NKAIN2: variants seen among roughly 807,000 people sequenced by gnomAD.
NKAIN2 encodes the protein sodium/potassium transporting ATPase interacting 2.
A neutral mutation model predicts 32.6 loss-of-function variants in NKAIN2; 14 were observed. The observed-to-expected ratio is 0.43, with a 90% CI of 0.28 to 0.67. The LOEUF is 0.67. Ranked by LOEUF, NKAIN2 falls within the 30% of genes least tolerant of loss-of-function variation. The pLI is 0.17. For missense variants in NKAIN2, 198 were observed against 258.3 expected, an observed-to-expected ratio of 0.77 and a Z score of 1.60; for synonymous variants, 80 against 87.2, an observed-to-expected ratio of 0.92 and a Z score of 0.46.
chr6:123,896,880 A>C (rs186186640), intron 1 of NKAIN2, among the ~76,000 whole-genome samples: 1,933 of 152,236 alleles, frequency 0.013, 23 homozygotes, highest in Middle Eastern at 0.027. Context: ...GAAACACTGA[A>C]ACTCAAAAGA....
rs150255795 is a variant in NKAIN2 at position 124,633,682 on chromosome 6, G to A, written c.274-24504G>A. ...ACTGAACCAAGAGACATTTTAAACT[G>A]TGTATCAAAATGAGATCAGGTTTCA... On this transcript the variant is annotated intron_variant, in intron 3 of 6. Transcript: ENST00000368417. Among the ~76,000 whole-genome samples, 318 of 152,260 alleles carry A rather than the reference G, an allele frequency of 2.1e-3. 2 individuals are homozygous for A. Among genetic ancestry groups the A allele is most frequent in the African/African-American group, 7.3e-3 (302 of 41,568 alleles).
At chr6:124,311,964 A>T (rs1295060903) in intron 2 of NKAIN2, among the ~76,000 whole-genome samples, 2 of 152,164 alleles carry the variant, frequency 1.3e-5, no homozygotes, top group African/African-American at 4.8e-5. Context: ...GGTTAACAGG[A>T]TTGACCACTG....
intron 3 of NKAIN2, among the ~76,000 whole-genome samples, chr6:124,435,914 A>T (rs1775421782): frequency 1.1e-5 from 1 of 93,820 alleles, no homozygotes; most frequent in Non-Finnish European, 2.3e-5. Flanking sequence ...TTCTAAAATA[A>T]AAATACCAGA....
At chr6:124,169,261 T>G (rs1354228387) in intron 1 of NKAIN2, among the ~76,000 whole-genome samples, 1 of 152,182 alleles carries the variant, frequency 6.6e-6, no homozygotes, top group African/African-American at 2.4e-5. Flanking sequence ...TTATTTCTCT[T>G]AGATCTAAAT....
chr6:124,643,500 A>G (rs1784063857), intron 3 of NKAIN2, among the ~76,000 whole-genome samples: 1 of 152,144 alleles, frequency 6.6e-6, no homozygotes. Context: ...TACTTATCAA[A>G]TACTTTCTTA....
intron 4 of NKAIN2, among the ~76,000 whole-genome samples, chr6:124,771,909 A>G (rs1778777487): frequency 6.6e-6 from 1 of 152,176 alleles, no homozygotes; most frequent in Non-Finnish European, 1.5e-5. Flanking sequence ...TATATGTTAG[A>G]GGAGTTGCTA....
At chr6:123,956,446 C>T (rs1216607415) in intron 1 of NKAIN2, among the ~76,000 whole-genome samples, 6 of 152,144 alleles carry the variant, frequency 3.9e-5, no homozygotes, top group Non-Finnish European at 7.3e-5. Flanking sequence ...ACTCTCTCTA[C>T]GTGTGCACAC....
chr6:124,518,038 G>A (rs1301911861), intron 3 of NKAIN2, among the ~76,000 whole-genome samples: 1 of 151,928 alleles, frequency 6.6e-6, no homozygotes, highest in East Asian at 1.9e-4. Context: ...GGATTTCAAT[G>A]AATGTGATTT....
At chr6:123,913,294 C>G (rs1305632476) in intron 1 of NKAIN2, among the ~76,000 whole-genome samples, 1 of 152,048 alleles carries the variant, frequency 6.6e-6, no homozygotes, top group African/African-American at 2.4e-5. Flanking sequence ...CTAATTAATT[C>G]AAAAGTGATC....
At chr6:123,834,379 T>C (rs1208144480) in intron 1 of NKAIN2, among the ~76,000 whole-genome samples, 1 of 151,586 alleles carries the variant, frequency 6.6e-6, no homozygotes, top group Non-Finnish European at 1.5e-5. Context: ...GGTCTTGAAC[T>C]CCTGACCTCA....
intron 3 of NKAIN2, among the ~76,000 whole-genome samples, chr6:124,486,102 G>C (rs951874112): frequency 2.0e-5 from 3 of 152,092 alleles, no homozygotes; most frequent in Non-Finnish European, 4.4e-5. Flanking sequence ...ATCCTCATTT[G>C]TTATAAAGAA....
At chr6:123,908,683 T>C (rs969059608) in intron 1 of NKAIN2, among the ~76,000 whole-genome samples, 1 of 152,182 alleles carries the variant, frequency 6.6e-6, no homozygotes, top group Admixed American at 6.5e-5. Context: ...CTCAAAGGAG[T>C]TCCCACTTAC....
At chr6:124,435,001 TAATC>T (rs1452361001) in intron 3 of NKAIN2, among the ~76,000 whole-genome samples, 10 of 152,286 alleles carry the variant, frequency 6.6e-5, no homozygotes, top group African/African-American at 7.2e-5. Context: ...AGTTACTTAT[TAATC>T]AAGAGAACAG....
At chr6:124,056,863 A>G (rs544683696) in intron 1 of NKAIN2, among the ~76,000 whole-genome samples, 2 of 152,154 alleles carry the variant, frequency 1.3e-5, no homozygotes, top group South Asian at 4.1e-4. Flanking sequence ...TAATATTTTT[A>G]GCCTGCTGGC....
At chr6:124,780,406 C>T (rs563447889) in intron 4 of NKAIN2, among the ~76,000 whole-genome samples, 82 of 152,168 alleles carry the variant, frequency 5.4e-4, no homozygotes, top group Admixed American at 1.8e-3. Flanking sequence ...AAAATATTTC[C>T]CTGAGGAGTA....
chr6:124,496,543 A>G (rs1778070232), intron 3 of NKAIN2, among the ~76,000 whole-genome samples: 1 of 152,238 alleles, frequency 6.6e-6, no homozygotes, highest in Non-Finnish European at 1.5e-5. Flanking sequence ...GGGAGAATTT[A>G]TCAAAACATG....
rs569360815 is a variant in NKAIN2, at chr6:124,265,097, C to G, written c.55-17908C>G. On this transcript the variant is annotated intron_variant, in intron 1 of 6. Transcript: ENST00000368417. Reference sequence around the variant, plus strand: ...TGTAGATATAGAAATAGGAATAGATCTAGATATGTACATTTACATTTTCAG... The same window carrying G: ...TGTAGATATAGAAATAGGAATAGATGTAGATATGTACATTTACATTTTCAG... Among the ~76,000 whole-genome samples, 21 of 151,746 alleles carry G rather than the reference C, an allele frequency of 1.4e-4. 1 individual carries two copies. The highest frequency in any genetic ancestry group is 5.1e-4 in the African/African-American group (21 of 41,382).
chr6:123,891,532 A>T (rs1774019016), intron 1 of NKAIN2, among the ~76,000 whole-genome samples: 1 of 152,140 alleles, frequency 6.6e-6, no homozygotes, highest in African/African-American at 2.4e-5. Context: ...GTTCAGCAAT[A>T]CTTAGTGCTC....
intron 1 of NKAIN2, among the ~76,000 whole-genome samples, chr6:124,082,482 G>C (rs1028115431): frequency 3.3e-5 from 5 of 151,684 alleles, no homozygotes; most frequent in African/African-American, 7.3e-5. Flanking sequence ...ATGAACCCAT[G>C]GTCTTTTGAT....
Sources: gnomAD v4.1 joint callset for allele counts (sites outside exome capture counted in the v4.1 genomes callset) on GRCh38, gnomAD v4.1.1 for gene constraint, MANE v1.5 for transcripts, NCBI Gene and HGNC (gene_info 2026-07-23, HGNC 2026-07-21) for gene names.